The following B4GALNT3 variants were observed in gnomAD, a reference collection of about 807,000 sequenced individuals.
B4GALNT3 encodes the protein beta-1,4-N-acetylgalactosaminyltransferase 3.
In B4GALNT3, 86 loss-of-function variants were observed where a neutral mutation model predicts 120.2. The ratio of observed to expected loss-of-function variants is 0.72; its 90% CI spans 0.60 to 0.86. The LOEUF (loss-of-function observed/expected upper bound fraction) is 0.86. Ranked by LOEUF, B4GALNT3 falls within the 40% of genes least tolerant of loss-of-function variation. The pLI is 0.00. For missense variants in B4GALNT3, 1,167 were observed against 1,298.9 expected, an observed-to-expected ratio of 0.90 and a Z score of 1.56; for synonymous variants, 518 against 510.4, an observed-to-expected ratio of 1.01 and a Z score of -0.20.
At chr12:528,112 T>C (rs552893619) in intron 1 of B4GALNT3, among the ~76,000 whole-genome samples, 2 of 152,302 alleles carry the variant, frequency 1.3e-5, no homozygotes, top group African/African-American at 4.8e-5. Flanking sequence ...CACAGGTTTT[T>C]GTCCTGGGTT....
At chr12:462,874 A>T (rs1278709545) in intron 1 of B4GALNT3, among the ~76,000 whole-genome samples, 3 of 152,150 alleles carry the variant, frequency 2.0e-5, no homozygotes, top group African/African-American at 7.2e-5. Context: ...TATAGGTTTC[A>T]TTCTCAGCTC....
At chr12:496,721 T>C (rs11063275) in intron 1 of B4GALNT3, among the ~76,000 whole-genome samples, 38,513 of 152,056 alleles carry the variant, frequency 0.25, 5,983 homozygotes, top group African/African-American at 0.43. Flanking sequence ...ACTCTGCCCA[T>C]GCGCGTTAAG....
intron 3 of B4GALNT3, among the ~76,000 whole-genome samples, chr12:541,838 C>T (rs1395791937): frequency 7.8e-5 from 5 of 64,350 alleles, no homozygotes; most frequent in South Asian, 6.9e-4. Flanking sequence ...AGTCCCCCCC[C>T]TCACCCCCCC....
At chr12:470,385 A>C (rs892375888) in intron 1 of B4GALNT3, among the ~76,000 whole-genome samples, 1 of 152,246 alleles carries the variant, frequency 6.6e-6, no homozygotes, top group Admixed American at 6.5e-5. Context: ...GCCCAGGTTC[A>C]AACGAATGTG....
chr12:503,059 A>G (rs1183481523), intron 1 of B4GALNT3, among the ~76,000 whole-genome samples: 1 of 152,084 alleles, frequency 6.6e-6, no homozygotes, highest in Non-Finnish European at 1.5e-5. Context: ...GTGCCCTCCT[A>G]AACAAGTTCT....
intron 1 of B4GALNT3, among the ~76,000 whole-genome samples, chr12:492,681 A>G (rs1377748823): frequency 6.6e-6 from 1 of 152,246 alleles, no homozygotes; most frequent in Admixed American, 6.5e-5. Context: ...CAAAGAACAA[A>G]GTCAGAAGAC....
intron 14 of B4GALNT3, among the ~76,000 whole-genome samples, chr12:556,182 C>A (rs1405653057): frequency 6.6e-6 from 1 of 152,128 alleles, no homozygotes; most frequent in African/African-American, 2.4e-5. Context: ...TTGAGCCAAC[C>A]AATTGACATC....
At chr12:512,169 TCCGCCTTCCG>T (rs1946582619) in intron 1 of B4GALNT3, among the ~76,000 whole-genome samples, 1 of 76,800 alleles carries the variant, frequency 1.3e-5, no homozygotes, top group South Asian at 5.4e-4. Flanking sequence ...CCTTCCACCT[TCCGCCTTCCG>T]CCTTCCACCT....
intron 1 of B4GALNT3, among the ~76,000 whole-genome samples, chr12:513,629 A>G (rs75161298): frequency 0.028 from 4,297 of 152,184 alleles, 217 homozygotes; most frequent in African/African-American, 0.097. Context: ...TATACCTCCT[A>G]TCTCATTCTG....
intron 14 of B4GALNT3, among the ~76,000 whole-genome samples, chr12:554,455 T>C (rs1947120801): frequency 6.6e-6 from 1 of 152,190 alleles, no homozygotes; most frequent in Admixed American, 6.5e-5. Flanking sequence ...TTATATAACA[T>C]TAAAATCACC....
chr12:558,643 A>AC lies in B4GALNT3; in HGVS notation c.2749dup (p.Gln917ProfsTer4), dbSNP rs751898460. On this transcript the variant is annotated frameshift_variant, in exon 18 of 20. Coordinates refer to ENST00000266383, the MANE Select transcript of B4GALNT3 (RefSeq NM_173593.4). LOFTEE classifies it high-confidence loss of function. Reference sequence around the variant, plus strand: ...GGTGATGAGGCTGCATTGTGGGGCCACCCCCCAGTGGCCTGAGGGTGAGCC... The same window carrying AC: ...GGTGATGAGGCTGCATTGTGGGGCCACCCCCCCAGTGGCCTGAGGGTGAGCC... The AC allele has an allele frequency of 2.5e-6, 4 of 1,613,874 alleles. No homozygotes were observed. Among genetic ancestry groups the AC allele is most frequent in the Non-Finnish European group, 2.5e-6 (3 of 1,179,944 alleles).
At chr12:531,051 G>A (rs1182506907) in intron 1 of B4GALNT3, among the ~76,000 whole-genome samples, 3 of 152,292 alleles carry the variant, frequency 2.0e-5, no homozygotes, top group Admixed American at 2.0e-4. Flanking sequence ...GCTTACCAGA[G>A]GGTAAGCGAC....
At chr12:485,629 A>G (rs1420139148) in intron 1 of B4GALNT3, among the ~76,000 whole-genome samples, 1 of 152,230 alleles carries the variant, frequency 6.6e-6, no homozygotes, top group Non-Finnish European at 1.5e-5. Context: ...GGGATTGCCT[A>G]GGAAGCTTAA....
At chr12:474,937 G>A (rs1337560230) in intron 1 of B4GALNT3, among the ~76,000 whole-genome samples, 9 of 114,982 alleles carry the variant, frequency 7.8e-5, no homozygotes, top group Non-Finnish European at 1.5e-4. Flanking sequence ...GACAGAGGGA[G>A]ACCTTGTCTC....
chr12:506,840 G>T (rs983270807), intron 1 of B4GALNT3, among the ~76,000 whole-genome samples: 1 of 152,164 alleles, frequency 6.6e-6, no homozygotes, highest in Non-Finnish European at 1.5e-5. Flanking sequence ...GTTTCACCGT[G>T]TTAGCCAGGA....
intron 1 of B4GALNT3, among the ~76,000 whole-genome samples, chr12:471,038 T>A (rs1169010919): frequency 6.6e-6 from 1 of 151,878 alleles, no homozygotes; most frequent in Non-Finnish European, 1.5e-5. Context: ...GTAGTGACTG[T>A]ATTTTTCATA....
chr12:474,459 AC>A (rs1364808799), intron 1 of B4GALNT3, among the ~76,000 whole-genome samples: 5 of 152,136 alleles, frequency 3.3e-5, no homozygotes, highest in African/African-American at 7.2e-5. Flanking sequence ...TAGATACTGG[AC>A]CTGGGCATTT....
At chr12:533,097 C>T (rs1331397035) in intron 1 of B4GALNT3, among the ~76,000 whole-genome samples, 2 of 152,226 alleles carry the variant, frequency 1.3e-5, no homozygotes, top group African/African-American at 2.4e-5. Context: ...TCCTCCTCCC[C>T]ACAGTGTAAC....
At chr12:517,326 C>T (rs1355728081) in intron 1 of B4GALNT3, among the ~76,000 whole-genome samples, 2 of 152,086 alleles carry the variant, frequency 1.3e-5, no homozygotes, top group Non-Finnish European at 1.5e-5. Context: ...AGGAGTAGCC[C>T]ATGGGAGAAG....
Sources: allele counts gnomAD v4.1 joint callset (sites outside exome capture counted in the v4.1 genomes callset), GRCh38; gene constraint gnomAD v4.1.1; transcripts MANE v1.5; gene names NCBI Gene and HGNC (gene_info 2026-07-23, HGNC 2026-07-21).